EXOC5: variants seen among roughly 807,000 people sequenced by gnomAD.
EXOC5 encodes the protein exocyst complex component 5.
Under a neutral mutation model 90.8 loss-of-function variants are expected in EXOC5, and 17 were observed. That is an observed-to-expected ratio of 0.19 (90% CI 0.13 to 0.28). EXOC5 has a LOEUF of 0.28. Among genes scored for constraint, EXOC5 ranks in the 10% least tolerant of loss-of-function variants. The pLI is 1.00. For missense variants in EXOC5, 569 were observed against 830.6 expected, an observed-to-expected ratio of 0.69 and a Z score of 3.87; for synonymous variants, 260 against 270.0, an observed-to-expected ratio of 0.96 and a Z score of 0.36.
intron 4 of EXOC5, among the ~76,000 whole-genome samples, chr14:57,242,522 G>C (rs538938596): frequency 3.9e-5 from 6 of 152,030 alleles, no homozygotes; most frequent in Admixed American, 2.0e-4. Context: ...GGGATTGCAG[G>C]CCTGAGCCAC....
intron 4 of EXOC5, 132 bp from the exon 5 acceptor site, chr14:57,239,791 A>G (rs1883800656): frequency 3.6e-6 from 2 of 553,294 alleles, no homozygotes; most frequent in South Asian, 5.7e-5. Context: ...TTCCTTTAAA[A>G]ATCCACAACA....
chr14:57,215,471 CCAAA>C (rs1443020027), intron 15 of EXOC5, among the ~76,000 whole-genome samples: 2 of 151,018 alleles, frequency 1.3e-5, no homozygotes, highest in Admixed American at 6.6e-5. Flanking sequence ...TACACCATAA[CCAAA>C]CAGAGTTTAT....
At chr14:57,213,460 T>G (rs1882884092) in intron 15 of EXOC5, among the ~76,000 whole-genome samples, 1 of 151,742 alleles carries the variant, frequency 6.6e-6, no homozygotes, top group Non-Finnish European at 1.5e-5. Flanking sequence ...CAGTCTGGAG[T>G]GCAGTGGCGT....
intron 4 of EXOC5, among the ~76,000 whole-genome samples, chr14:57,241,638 A>G (rs1436286487): frequency 6.6e-6 from 1 of 152,224 alleles, no homozygotes; most frequent in Non-Finnish European, 1.5e-5. Context: ...TAAAGCACAG[A>G]TATCTCTTAA....
chr14:57,268,249 G>T, intron 1 of EXOC5: 1 of 344,758 alleles, frequency 2.9e-6, no homozygotes, highest in Non-Finnish European at 5.3e-6. Context: ...CGCCCAACCT[G>T]AGGCTCCTGG....
chr14:57,236,877 G>A (rs978019633), intron 6 of EXOC5, among the ~76,000 whole-genome samples: 8 of 151,012 alleles, frequency 5.3e-5, no homozygotes, highest in African/African-American at 2.0e-4. Context: ...CATGTAAGGA[G>A]TTAAATAGAT....
intron 1 of EXOC5, among the ~76,000 whole-genome samples, chr14:57,262,747 G>A (rs1277725401): frequency 6.7e-6 from 1 of 149,522 alleles, no homozygotes; most frequent in Non-Finnish European, 1.5e-5. Context: ...ATATGTGTGT[G>A]TGTATATATA....
intron 13 of EXOC5, among the ~76,000 whole-genome samples, chr14:57,220,719 G>A (rs1490754625): frequency 6.6e-6 from 1 of 152,090 alleles, no homozygotes; most frequent in East Asian, 1.9e-4. Flanking sequence ...AGTATTGCTT[G>A]AGCCCAGGAG....
intron 3 of EXOC5, among the ~76,000 whole-genome samples, chr14:57,245,992 G>A (rs1348960585): frequency 4.6e-5 from 7 of 151,996 alleles, no homozygotes; most frequent in Non-Finnish European, 1.0e-4. Context: ...GGAGGTTGCA[G>A]TGAGCCAAGA....
intron 14 of EXOC5, among the ~76,000 whole-genome samples, chr14:57,218,797 A>C (rs1342117671): frequency 6.6e-6 from 1 of 152,102 alleles, no homozygotes; most frequent in African/African-American, 2.4e-5. Flanking sequence ...TAAACAGATA[A>C]TTCTGTAAAG....
At chr14:57,257,148 T>C (rs1884371282) in intron 1 of EXOC5, among the ~76,000 whole-genome samples, 1 of 152,074 alleles carries the variant, frequency 6.6e-6, no homozygotes, top group Non-Finnish European at 1.5e-5. Context: ...AAGTTGCTGA[T>C]AGACTGGATA....
intron 11 of EXOC5, among the ~76,000 whole-genome samples, chr14:57,230,592 C>T (rs76440114): frequency 0.015 from 2,304 of 152,212 alleles, 52 homozygotes; most frequent in African/African-American, 0.051. Context: ...AAACTGGTTT[C>T]GATATATACA....
intron 15 of EXOC5, among the ~76,000 whole-genome samples, chr14:57,214,979 C>T (rs1882930798): frequency 6.6e-6 from 1 of 152,134 alleles, no homozygotes; most frequent in Non-Finnish European, 1.5e-5. Flanking sequence ...CCTGTAAGCC[C>T]AGCACTTTTG....
In EXOC5 at chr14:57,268,689, T is replaced by C; in HGVS notation, c.-41A>G. 6.4e-7 allele frequency: 1 copy of C among 1,567,028 alleles called. No individual in the cohort carries two copies. Among genetic ancestry groups the C allele is most frequent in the Non-Finnish European group, 8.6e-7 (1 of 1,166,050 alleles). ...GGCTCGCCCCCCACTGGATGCCGTC[T>C]CCGCTTCACATGCTGCGCCTCAGAG... On this transcript the variant is annotated 5_prime_UTR_variant, in exon 1 of 18. Coordinates refer to ENST00000621441, the MANE Select transcript of EXOC5 (RefSeq NM_006544.4).
chr14:57,209,934 A>G lies in EXOC5; in HGVS notation c.1722+19T>C. The G allele has an allele frequency of 7.6e-7, 1 of 1,323,862 alleles. No homozygotes were observed. Among genetic ancestry groups the G allele is most frequent in the South Asian group, 1.2e-5 (1 of 81,246 alleles). The allele number at this position is 1,323,862 out of a possible 1,614,324, so 82.0% of individuals were successfully genotyped here. A position where few individuals can be genotyped will look rare whatever the true frequency, so the allele number is the denominator to read the frequency against. On this transcript the variant is annotated intron_variant, in intron 16 of 17. Coordinates refer to ENST00000621441, the MANE Select transcript of EXOC5 (RefSeq NM_006544.4). The stretch of plus-strand genomic sequence containing the variant: ...GAAAATGTTAACAAAGTATTAACAA[A>G]CTGAATGATTTTACTCACATTAGTA...
chr14:57,210,773 T>A (rs1195505390), intron 15 of EXOC5, among the ~76,000 whole-genome samples: 1 of 152,248 alleles, frequency 6.6e-6, no homozygotes, highest in Non-Finnish European at 1.5e-5. Context: ...AGATGACATG[T>A]CATTCATACA....
At chr14:57,239,738 A>T in intron 4 of EXOC5, 79 bp from the exon 5 acceptor site, 1 of 829,514 alleles carries the variant, frequency 1.2e-6, no homozygotes. Flanking sequence ...TGAAATTAGT[A>T]ATATCTCCCT....
In EXOC5 at chr14:57,205,906, AGG is replaced by A. The variant is rs201768301; in HGVS notation, c.*2701_*2702del. On this transcript the variant is annotated 3_prime_UTR_variant, in exon 18 of 18. Transcript: ENST00000621441. ...GACCAAAAATTGTCCTGGAATGGTC[AGG>A]TGGTCATCCATCTAAAGATCCATCC... 0.016 allele frequency: 7,316 copies of A among 456,264 alleles called. 93 individuals carry two copies. The highest frequency in any genetic ancestry group is 0.02 in the Non-Finnish European group (4,429 of 226,672). The allele number at this position is 456,264 out of a possible 1,614,324, so 28.3% of individuals were successfully genotyped here.
chr14:57,246,997 C>A, intron 2 of EXOC5, 139 bp from the exon 3 acceptor site: 1 of 544,274 alleles, frequency 1.8e-6, no homozygotes, highest in Non-Finnish European at 3.1e-6. Context: ...TCTATAGCAT[C>A]TTGTTAGAAA....
Sources: gnomAD v4.1 joint callset for allele counts (sites outside exome capture counted in the v4.1 genomes callset) on GRCh38, gnomAD v4.1.1 for gene constraint, MANE v1.5 for transcripts, NCBI Gene and HGNC (gene_info 2026-07-23, HGNC 2026-07-21) for gene names.